The following GABRG3 variants were observed in gnomAD, a reference collection of about 807,000 sequenced individuals.
The protein encoded by GABRG3 is gamma-aminobutyric acid type A receptor subunit gamma3, also known as gamma-aminobutyric acid receptor subunit gamma-3.
A neutral mutation model predicts 48.8 loss-of-function variants in GABRG3; 25 were observed. That is an observed-to-expected ratio of 0.51 (90% CI 0.37 to 0.72). GABRG3 has a LOEUF of 0.72. Among genes scored for constraint, GABRG3 ranks in the 30% least tolerant of loss-of-function variants. The pLI is 0.00. For synonymous variants in GABRG3, 227 were observed against 217.6 expected (o/e 1.04, Z -0.38); for missense variants, 394 against 577.9 (o/e 0.68, Z 3.26).
chr15:27,440,785 T>C (rs1443614270), intron 5 of GABRG3, among the ~76,000 whole-genome samples: 2 of 152,230 alleles, frequency 1.3e-5, no homozygotes, highest in Non-Finnish European at 2.9e-5. Context: ...AAAGGCAATA[T>C]CAATGGAACA....
intron 3 of GABRG3, among the ~76,000 whole-genome samples, chr15:27,304,213 G>A (rs1419728713): frequency 6.6e-6 from 1 of 151,810 alleles, no homozygotes; most frequent in Non-Finnish European, 1.5e-5. Context: ...GATCTGGTCA[G>A]TGGAAAAGGC....
At chr15:26,999,191 G>C (rs1566904494) in intron 2 of GABRG3, among the ~76,000 whole-genome samples, 1 of 150,050 alleles carries the variant, frequency 6.7e-6, no homozygotes, top group Non-Finnish European at 1.5e-5. Context: ...AAACAAAAAA[G>C]CAATAGAATG....
At chr15:27,516,049 T>C (rs1190325247) in intron 6 of GABRG3, among the ~76,000 whole-genome samples, 1 of 151,824 alleles carries the variant, frequency 6.6e-6, no homozygotes, top group African/African-American at 2.4e-5. Context: ...TTTGCTTATA[T>C]ATTTGGTATT....
At position 27,180,922 on chromosome 15, in the gene GABRG3, A is replaced by G. The variant is rs1168915020; in HGVS notation, c.271-145887A>G. On this transcript the variant is annotated intron_variant, in intron 3 of 9. Transcript: ENST00000615808. The surrounding 1 kb of genome is among the most constrained non-coding windows in gnomAD (Gnocchi z 4.2). ...GATTATCGTTCCAGTTTAGTATTTT[A>G]GGGTTGAAAACCCCTCTCGCTTTGG... Among the ~76,000 whole-genome samples the G allele has an allele frequency of 2.0e-5, 3 of 152,150 alleles. No homozygotes were observed. The highest frequency in any genetic ancestry group is 4.1e-4 in the South Asian group (2 of 4,828).
rs764949206 is a variant in GABRG3, at chr15:27,308,131, CAT to C, written c.271-18673_271-18672del. ...GTTTATACATCCAAACATATATAAA[CAT>C]ATATGTTTATACATCCAAACATATA... On this transcript the variant is annotated intron_variant, in intron 3 of 9. Transcript: ENST00000615808. Among the ~76,000 whole-genome samples, 89 of 83,940 alleles carry C rather than the reference CAT, an allele frequency of 1.1e-3. 14 individuals are homozygous for C. Among genetic ancestry groups the C allele is most frequent in the South Asian group, 8.2e-3 (23 of 2,800 alleles). The allele number at this position is 83,940 out of a possible 152,430, so 55.1% of individuals were successfully genotyped here. A position where few individuals can be genotyped will look rare whatever the true frequency, so the allele number is the denominator to read the frequency against.
intron 5 of GABRG3, among the ~76,000 whole-genome samples, chr15:27,354,247 T>A (rs113639283): frequency 0.01 from 1,526 of 152,298 alleles, 30 homozygotes; most frequent in African/African-American, 0.035. Context: ...CATTTGTGAG[T>A]TATCATTTGT....
At chr15:27,522,788 A>G (rs1212426419) in intron 7 of GABRG3, among the ~76,000 whole-genome samples, 1 of 151,942 alleles carries the variant, frequency 6.6e-6, no homozygotes, top group Non-Finnish European at 1.5e-5. Context: ...TGTGCCTAGT[A>G]TTAGAGCTTC....
intron 3 of GABRG3, among the ~76,000 whole-genome samples, chr15:27,132,844 G>A (rs1204439838): frequency 6.6e-6 from 1 of 150,828 alleles, no homozygotes; most frequent in Non-Finnish European, 1.5e-5. Flanking sequence ...TGCTAGCTTT[G>A]GGGTTAGTTC....
Position 27,020,229 on chromosome 15 carries a change from G to A in GABRG3, c.203-6525G>A, listed in dbSNP as rs373150136. ...ATGGGCATGTCCCCTCACTTGACAC[G>A]TCTGCTCAGAATTCCTCAGGGTCTG... On this transcript the variant is annotated intron_variant, in intron 2 of 9. Coordinates refer to ENST00000615808, the MANE Select transcript of GABRG3 (RefSeq NM_033223.5). Among the ~76,000 whole-genome samples, 76 of 152,264 alleles carry A rather than the reference G, an allele frequency of 5.0e-4. No homozygotes were observed. In the East Asian group the frequency reaches 8.7e-3, roughly 17 times the overall value.
At chr15:27,306,067 T>C (rs1192208133) in intron 3 of GABRG3, among the ~76,000 whole-genome samples, 2 of 112,170 alleles carry the variant, frequency 1.8e-5, no homozygotes, top group African/African-American at 3.4e-5. Context: ...TATATGTTTA[T>C]ATATAAACAT....
chr15:27,529,403 C>T (rs188906584), intron 9 of GABRG3, among the ~76,000 whole-genome samples: 58 of 152,094 alleles, frequency 3.8e-4, no homozygotes, highest in Admixed American at 2.7e-3. Flanking sequence ...TTCCTTTATA[C>T]ATATGTATAC....
At chr15:27,511,461 C>G (rs144158175) in intron 6 of GABRG3, among the ~76,000 whole-genome samples, 3 of 152,228 alleles carry the variant, frequency 2.0e-5, no homozygotes, top group African/African-American at 7.2e-5. Flanking sequence ...ATTAGCTATA[C>G]TGCTACTAAC....
At chr15:27,064,177 C>T (rs375324154) in intron 3 of GABRG3, among the ~76,000 whole-genome samples, 5 of 152,164 alleles carry the variant, frequency 3.3e-5, no homozygotes, top group Admixed American at 1.3e-4. Flanking sequence ...AGCCTCTCCC[C>T]AGGAGGGCGC....
chr15:27,406,594 C>T (rs1887641993), intron 5 of GABRG3, among the ~76,000 whole-genome samples: 2 of 152,140 alleles, frequency 1.3e-5, no homozygotes, highest in Admixed American at 1.3e-4. Context: ...GGATACCTGA[C>T]CAGTACTCCT....
chr15:27,281,466 T>C (rs1026785724), intron 3 of GABRG3, among the ~76,000 whole-genome samples: 13 of 145,608 alleles, frequency 8.9e-5, no homozygotes, highest in African/African-American at 3.6e-4. Flanking sequence ...TTCATTTTCC[T>C]GTGGTTAATT....
chr15:27,158,941 TG>T (rs1898504006), intron 3 of GABRG3, among the ~76,000 whole-genome samples: 1 of 152,148 alleles, frequency 6.6e-6, no homozygotes, highest in African/African-American at 2.4e-5. Context: ...CCACACACAC[TG>T]CCCACCTGTT....
At chr15:27,308,524 A>G (rs919601877) in intron 3 of GABRG3, among the ~76,000 whole-genome samples, 4 of 147,762 alleles carry the variant, frequency 2.7e-5, no homozygotes, top group Non-Finnish European at 6.0e-5. Context: ...GTAAACATAC[A>G]TGTTTATATA....
chr15:27,390,290 A>G (rs562934234), intron 5 of GABRG3, among the ~76,000 whole-genome samples: 1 of 152,240 alleles, frequency 6.6e-6, no homozygotes. Flanking sequence ...ATTAAATTTG[A>G]CTTCACCAGA....
chr15:27,042,181 T>C (rs1896287757), intron 3 of GABRG3, among the ~76,000 whole-genome samples: 2 of 152,282 alleles, frequency 1.3e-5, no homozygotes, highest in South Asian at 4.1e-4. Context: ...CTGCCTCCCC[T>C]CTCAGCAGCA....
Sources: allele counts gnomAD v4.1 joint callset (sites outside exome capture counted in the v4.1 genomes callset), GRCh38; gene constraint gnomAD v4.1.1; non-coding constraint Gnocchi (gnomAD v3.1); transcripts MANE v1.5; gene names NCBI Gene and HGNC (gene_info 2026-07-23, HGNC 2026-07-21).